Variants in GALNT18 observed in about 807,000 individuals in gnomAD.
GALNT18 encodes polypeptide N-acetylgalactosaminyltransferase 18.
In GALNT18, 44 loss-of-function variants were observed where a neutral mutation model predicts 69.5. The ratio of observed to expected loss-of-function variants is 0.63; its 90% CI spans 0.50 to 0.81. The LOEUF is 0.81. Among genes scored for constraint, GALNT18 ranks in the 40% least tolerant of loss-of-function variants. The pLI is 0.00. For missense variants in GALNT18, 715 were observed against 810.0 expected (o/e 0.88, Z 1.42); for synonymous variants, 364 against 318.2 (o/e 1.14, Z -1.53).
At chr11:11,353,289 G>A (rs1589930962) in intron 6 of GALNT18, 1 of 759,572 alleles carries the variant, frequency 1.3e-6, no homozygotes, top group Non-Finnish European at 2.1e-6. Flanking sequence ...AGACAATATG[G>A]CGGCGATGGA....
intron 8 of GALNT18, among the ~76,000 whole-genome samples, chr11:11,330,370 T>A (rs1015263544): frequency 6.6e-6 from 1 of 152,230 alleles, no homozygotes; most frequent in Non-Finnish European, 1.5e-5. Flanking sequence ...CAGCAAATAC[T>A]CTTGCTATTG....
chr11:11,557,867 T>C (rs1858369954), intron 1 of GALNT18, among the ~76,000 whole-genome samples: 1 of 152,234 alleles, frequency 6.6e-6, no homozygotes, highest in South Asian at 2.1e-4. Context: ...CTGGTCCGTG[T>C]ACATCCACTG....
intron 10 of GALNT18, among the ~76,000 whole-genome samples, chr11:11,276,495 C>T (rs1016182991): frequency 4.6e-5 from 7 of 152,154 alleles, no homozygotes; most frequent in Non-Finnish European, 1.0e-4. Context: ...TTGACTTCCT[C>T]TCTCTCTTCC....
intron 1 of GALNT18, among the ~76,000 whole-genome samples, chr11:11,472,122 A>C (rs1405044426): frequency 6.6e-6 from 1 of 152,214 alleles, no homozygotes; most frequent in Non-Finnish European, 1.5e-5. Context: ...TCTATCTCAC[A>C]CTAGGCACAG....
intron 9 of GALNT18, among the ~76,000 whole-genome samples, chr11:11,299,784 G>A (rs1054956024): frequency 1.3e-5 from 2 of 152,266 alleles, no homozygotes; most frequent in South Asian, 2.1e-4. Flanking sequence ...GCATGTGCCA[G>A]TGTCTTTTCC....
intron 1 of GALNT18, among the ~76,000 whole-genome samples, chr11:11,524,514 C>T (rs1357260729): frequency 6.6e-6 from 1 of 152,138 alleles, no homozygotes; most frequent in Non-Finnish European, 1.5e-5. Context: ...GCTTTAGGAG[C>T]CATTGCATAT....
intron 3 of GALNT18, among the ~76,000 whole-genome samples, chr11:11,393,371 C>G (rs1054061965): frequency 3.9e-5 from 6 of 152,212 alleles, no homozygotes; most frequent in African/African-American, 7.2e-5. Flanking sequence ...GCTGCTAGAT[C>G]CCAAATGTAG....
chr11:11,460,762 G>T (rs532511165), intron 1 of GALNT18, among the ~76,000 whole-genome samples: 11 of 146,868 alleles, frequency 7.5e-5, no homozygotes, highest in Non-Finnish European at 1.5e-4. Context: ...TTGGTATTTG[G>T]CTACTCTTAA....
intron 3 of GALNT18, among the ~76,000 whole-genome samples, chr11:11,406,823 A>T (rs1379331691): frequency 3.3e-5 from 5 of 152,248 alleles, no homozygotes; most frequent in African/African-American, 1.2e-4. Flanking sequence ...GTCCAGGGTC[A>T]TGTCCTTGGC....
chr11:11,332,874 T>C lies in GALNT18; in HGVS notation c.1279-43A>G. ...AGCAGAGATGAAGCCACTCCCAGGT[T>C]GCAGCTTCTCCCCAAACTCTACTTT... On this transcript the variant is annotated intron_variant, in intron 7 of 10. Coordinates refer to ENST00000227756, the MANE Select transcript of GALNT18 (RefSeq NM_198516.3). This position sits in a 1 kb window ranked among gnomAD's most constrained non-coding sequence, Gnocchi z 4.3. 1 of 1,603,086 alleles carries C rather than the reference T, an allele frequency of 6.2e-7. No individual in the cohort carries two copies. The highest frequency in any genetic ancestry group is 1.3e-5 in the African/African-American group (1 of 74,914).
At position 11,340,860 on chromosome 11, in the gene GALNT18, A is replaced by G; in HGVS notation, c.1237T>C (p.Phe413Leu). Residue 413 changes from phenylalanine to leucine, a missense_variant, in exon 7 of 11, where the codon TTT becomes CTT. Phe to Leu is a conservative substitution (Grantham distance 22). Coordinates refer to ENST00000227756, the MANE Select transcript of GALNT18 (RefSeq NM_198516.3). The surrounding 1 kb of genome is among the most constrained non-coding windows in gnomAD (Gnocchi z 4.2). ...LRVAEVWMDE[F>L]KSHVYMAWNI... The stretch of plus-strand genomic sequence containing the variant: ...CATGCCATGTAGACGTGGCTTTTAA[A>G]TTCATCCATCCAGACTTCAGCCACC... 1 of 1,613,884 alleles carries G rather than the reference A, an allele frequency of 6.2e-7. No individual in the cohort carries two copies. The highest frequency in any genetic ancestry group is 8.5e-7 in the Non-Finnish European group (1 of 1,179,906).
At chr11:11,271,833 G>A (rs1848834690) in intron 10 of GALNT18, among the ~76,000 whole-genome samples, 1 of 152,200 alleles carries the variant, frequency 6.6e-6, no homozygotes, top group East Asian at 1.9e-4. Context: ...CCATGCTACT[G>A]AGGTTCCAGA....
chr11:11,552,369 G>T (rs1590092309), intron 1 of GALNT18, among the ~76,000 whole-genome samples: 1 of 152,148 alleles, frequency 6.6e-6, no homozygotes. Flanking sequence ...TCATCATGTT[G>T]TATCAAAGTT....
At chr11:11,312,264 A>T (rs1849685473) in intron 9 of GALNT18, among the ~76,000 whole-genome samples, 1 of 152,126 alleles carries the variant, frequency 6.6e-6, no homozygotes, top group Non-Finnish European at 1.5e-5. Flanking sequence ...ATAACTTTTG[A>T]TTCCCCCAAA....
At position 11,584,973 on chromosome 11, in the gene GALNT18, G is replaced by C. The variant is rs1859177426; in HGVS notation, c.235+36386C>G. ...AACTTGCCTCCACCACTATGAGCTT[G>C]ACGGCTTCCCAACACCTAAAGACTT... On this transcript the variant is annotated intron_variant, in intron 1 of 10. Coordinates refer to ENST00000227756, the MANE Select transcript of GALNT18 (RefSeq NM_198516.3). This position sits in a 1 kb window ranked among gnomAD's most constrained non-coding sequence, Gnocchi z 4.1. Among the ~76,000 whole-genome samples the C allele has an allele frequency of 6.6e-6, 1 of 152,172 alleles. No individual in the cohort carries two copies.
At chr11:11,335,445 T>C (rs540089100) in intron 7 of GALNT18, among the ~76,000 whole-genome samples, 158 of 152,330 alleles carry the variant, frequency 1.0e-3, no homozygotes, top group African/African-American at 3.6e-3. Context: ...GAGAAGAAAG[T>C]AAACCTTCTC....
chr11:11,328,466 G>A (rs1849963126), intron 8 of GALNT18, among the ~76,000 whole-genome samples: 1 of 152,168 alleles, frequency 6.6e-6, no homozygotes, highest in African/African-American at 2.4e-5. Flanking sequence ...TTTGTGGCAG[G>A]AGCAAAATGA....
chr11:11,322,016 C>T (rs1261179110), intron 9 of GALNT18, among the ~76,000 whole-genome samples: 6 of 152,218 alleles, frequency 3.9e-5, no homozygotes, highest in Non-Finnish European at 8.8e-5. Flanking sequence ...TTACACTGAA[C>T]AGGAGTCAGG....
Position 11,598,344 on chromosome 11 carries a change from A to T in GALNT18, c.235+23015T>A, listed in dbSNP as rs1859552186. Among the ~76,000 whole-genome samples the T allele has an allele frequency of 6.6e-6, 1 of 152,198 alleles. No homozygotes were observed. Among genetic ancestry groups the T allele is most frequent in the African/African-American group, 2.4e-5 (1 of 41,466 alleles). On this transcript the variant is annotated intron_variant, in intron 1 of 10. Transcript: ENST00000227756. This position sits in a 1 kb window ranked among gnomAD's most constrained non-coding sequence, Gnocchi z 4.8. Reference sequence around the variant, plus strand: ...CAAAATTAGTCTTACTCGAGGCAAAATCAAGGTGTCAGCAGGGCTATACTT... The same window carrying T: ...CAAAATTAGTCTTACTCGAGGCAAATTCAAGGTGTCAGCAGGGCTATACTT...
Sources: gnomAD v4.1 joint callset for allele counts (sites outside exome capture counted in the v4.1 genomes callset) on GRCh38, gnomAD v4.1.1 for gene constraint, Gnocchi (gnomAD v3.1) non-coding constraint, MANE v1.5 for transcripts, NCBI Gene and HGNC (gene_info 2026-07-23, HGNC 2026-07-21) for gene names.